KCNK12: variants seen among roughly 807,000 people sequenced by gnomAD.
KCNK12 encodes the protein potassium two pore domain channel subfamily K member 12, also known as potassium channel subfamily K member 12.
In KCNK12, 6 loss-of-function variants were observed where a neutral mutation model predicts 25.3. The ratio of observed to expected loss-of-function variants is 0.24; its 90% CI spans 0.13 to 0.47. KCNK12 has a LOEUF of 0.47. Ranked by LOEUF, KCNK12 falls within the 20% of genes least tolerant of loss-of-function variation. The probability of loss-of-function intolerance (pLI) is 0.99; values close to 1 mark genes in which losing one functional copy is unlikely to be tolerated. For missense variants in KCNK12, 444 were observed against 661.7 expected (o/e 0.67, Z 3.61); for synonymous variants, 331 against 311.1 (o/e 1.06, Z -0.67).
At chr2:47,521,881 T>TGGGGGGGGGGGGGGG in intron 1 of KCNK12, 73 bp from the exon 2 acceptor site, 1 of 212,168 alleles carries the variant, frequency 4.7e-6, no homozygotes, top group Non-Finnish European at 7.7e-6. Flanking sequence ...GTGGGGGGTG[T>TGGGGGGGGGGGGGGG]GGGGGCGGGG....
chr2:47,516,397 A>G lies in KCNK12; in HGVS notation c.*4510T>C, dbSNP rs1668525808. 6.6e-6 allele frequency among the ~76,000 whole-genome samples: 1 copy of G among 152,126 alleles called. No homozygotes were observed. The highest frequency in any genetic ancestry group is 2.4e-5 in the African/African-American group (1 of 41,438). On this transcript the variant is annotated 3_prime_UTR_variant, in exon 2 of 2. Coordinates refer to ENST00000327876, the MANE Select transcript of KCNK12 (RefSeq NM_022055.2). ...TTGGCTCAGCCTGGCCAAGCTGCCC[A>G]GGAGGTCCCTTGGTGCCCTGGGCTC...
In KCNK12 at chr2:47,516,362, T is replaced by TC. The variant is rs1290323802; in HGVS notation, c.*4544dup. ...CAGCCAGGTTGGATCCATCTCCCAG[T>TC]CCCCCAGCCTTGGCTCAGCCTGGCC... On this transcript the variant is annotated 3_prime_UTR_variant, in exon 2 of 2. Coordinates refer to ENST00000327876, the MANE Select transcript of KCNK12 (RefSeq NM_022055.2). 6.6e-6 allele frequency among the ~76,000 whole-genome samples: 1 copy of TC among 152,074 alleles called. No homozygotes were observed. Among genetic ancestry groups the TC allele is most frequent in the Non-Finnish European group, 1.5e-5 (1 of 67,982 alleles).
chr2:47,561,468 G>A (rs1198059159), intron 1 of KCNK12, among the ~76,000 whole-genome samples: 1 of 152,230 alleles, frequency 6.6e-6, no homozygotes, highest in Non-Finnish European at 1.5e-5. Context: ...TGACCAACCA[G>A]AGTGCAGCAG....
chr2:47,512,474 A>G lies in KCNK12; in HGVS notation c.*8433T>C. On this transcript the variant is annotated 3_prime_UTR_variant, in exon 2 of 2. Coordinates refer to ENST00000327876, the MANE Select transcript of KCNK12 (RefSeq NM_022055.2). ...CCTTCTGGTTAAGTTTTTCATTTGT[A>G]ATTCTACAAACATCCCTTCTGTAAA... 3 of 1,545,128 alleles carry G rather than the reference A, an allele frequency of 1.9e-6. No homozygotes were observed. Among genetic ancestry groups the G allele is most frequent in the Non-Finnish European group, 2.6e-6 (3 of 1,145,092 alleles).
In KCNK12 at chr2:47,521,627, G is replaced by T. The variant is rs759635368; in HGVS notation, c.573C>A (p.Pro191=). ...GCGCGGAGCCGCGGCGGAAGGTGGC[G>T]GGCAGCAGGCCGCTGCGGCGCAGCT... ...ERQLRRSGLL[P]ATFRRGSALS... Residue 191 remains proline, a synonymous_variant, in exon 2 of 2, where the codon CCC becomes CCA. Transcript: ENST00000327876. 6.3e-7 allele frequency: 1 copy of T among 1,582,158 alleles called. No homozygotes were observed. Among genetic ancestry groups the T allele is most frequent in the South Asian group, 1.1e-5 (1 of 86,968 alleles).
chr2:47,538,048 C>G lies in KCNK12; in HGVS notation c.392-16240G>C, dbSNP rs1199735677. 6.6e-6 allele frequency among the ~76,000 whole-genome samples: 1 copy of G among 152,168 alleles called. No homozygotes were observed. Among genetic ancestry groups the G allele is most frequent in the East Asian group, 1.9e-4 (1 of 5,198 alleles). On this transcript the variant is annotated intron_variant, in intron 1 of 1. Transcript: ENST00000327876. This position sits in a 1 kb window ranked among gnomAD's most constrained non-coding sequence, Gnocchi z 4.5. ...TATGAGAATGAAGGCCCCTGAGGAACTTCAGTATCTAAAGGGCAGAAGAGG... is the reference window on the plus strand; with the variant it reads ...TATGAGAATGAAGGCCCCTGAGGAAGTTCAGTATCTAAAGGGCAGAAGAGG...
Position 47,521,169 on chromosome 2 carries a change from C to T in KCNK12, c.1031G>A (p.Arg344His), listed in dbSNP as rs1284001060. ...AITPGSRLRR[R>H]LAALGADPAA... Reference sequence around the variant, plus strand: ...GGGGTCGGCACCGAGCGCGGCCAGGCGGCGGCGCAGCCGGGAGCCTGGGGT... The same window carrying T: ...GGGGTCGGCACCGAGCGCGGCCAGGTGGCGGCGCAGCCGGGAGCCTGGGGT... The change falls in exon 2 of 2, where the codon CGC becomes CAC. Residue 344 changes from arginine to histidine, a missense_variant. Arg to His is a conservative substitution (Grantham distance 29). Coordinates refer to ENST00000327876, the MANE Select transcript of KCNK12 (RefSeq NM_022055.2). 1.0e-5 allele frequency: 13 copies of T among 1,297,512 alleles called. No individual in the cohort carries two copies. In the African/African-American group the frequency reaches 1.7e-4, roughly 17 times the overall value. 80.4% of individuals were successfully genotyped at this position (1,297,512 alleles called of 1,614,324 possible).
chr2:47,570,424 G>C lies in KCNK12; in HGVS notation c.-93C>G. ...AGCAGGAGCGTGAGGATGGTGGCCA[G>C]GGGTCCGGGGCCGCCGCGGAGCCCC... On this transcript the variant is annotated 5_prime_UTR_variant, in exon 1 of 2. Coordinates refer to ENST00000327876, the MANE Select transcript of KCNK12 (RefSeq NM_022055.2). 8.5e-7 allele frequency: 1 copy of C among 1,183,222 alleles called. No homozygotes were observed. Among genetic ancestry groups the C allele is most frequent in the Non-Finnish European group, 1.0e-6 (1 of 953,832 alleles). 73.3% of individuals were successfully genotyped at this position (1,183,222 alleles called of 1,614,324 possible).
chr2:47,535,455 G>T (rs1214684893), intron 1 of KCNK12, among the ~76,000 whole-genome samples: 2 of 152,040 alleles, frequency 1.3e-5, no homozygotes, highest in African/African-American at 2.4e-5. Flanking sequence ...TCCTCTAATG[G>T]GGGCGCACCC....
At position 47,547,318 on chromosome 2, in the gene KCNK12, T is replaced by C. The variant is rs1371402815; in HGVS notation, c.391+22623A>G. Among the ~76,000 whole-genome samples the C allele has an allele frequency of 6.6e-6, 1 of 152,194 alleles. No individual in the cohort carries two copies. Among genetic ancestry groups the C allele is most frequent in the East Asian group, 1.9e-4 (1 of 5,196 alleles). ...AGGAGTTTTACAAAATGCTAATTCATAAGCCCCCACTTCCAGAGAGAATGA... is the reference window on the plus strand; with the variant it reads ...AGGAGTTTTACAAAATGCTAATTCACAAGCCCCCACTTCCAGAGAGAATGA... On this transcript the variant is annotated intron_variant, in intron 1 of 1. Transcript: ENST00000327876. The surrounding 1 kb of genome is among the most constrained non-coding windows in gnomAD (Gnocchi z 5.0).
At position 47,568,052 on chromosome 2, in the gene KCNK12, T is replaced by C. The variant is rs1001149051; in HGVS notation, c.391+1889A>G. On this transcript the variant is annotated intron_variant, in intron 1 of 1. Transcript: ENST00000327876. ...CACAGGCCATTGGAATGGGGCCTTA[T>C]TTGGATGGACTCATGGCCCAAAAAG... Among the ~76,000 whole-genome samples, 4 of 152,140 alleles carry C rather than the reference T, an allele frequency of 2.6e-5. No individual in the cohort carries two copies. The South Asian group carries it at 8.3e-4, about 31-fold the overall frequency.
Position 47,548,042 on chromosome 2 carries a change from C to T in KCNK12, c.391+21899G>A, listed in dbSNP as rs1219707910. ...GTTGTTTAAAAGTGTGTAGCACCTT[C>T]CCCTTTGCTCTCTTCCTCCTGCTCC... is the stretch of plus-strand genomic sequence containing the variant. On this transcript the variant is annotated intron_variant, in intron 1 of 1. Coordinates refer to ENST00000327876, the MANE Select transcript of KCNK12 (RefSeq NM_022055.2). The surrounding 1 kb of genome is among the most constrained non-coding windows in gnomAD (Gnocchi z 4.4). 1.3e-5 allele frequency among the ~76,000 whole-genome samples: 2 copies of T among 152,120 alleles called. No individual in the cohort carries two copies. Among genetic ancestry groups the T allele is most frequent in the East Asian group, 1.9e-4 (1 of 5,182 alleles).
chr2:47,521,881 T>TGGGGGCGGGGGGGGGGGGGGG, intron 1 of KCNK12, 73 bp from the exon 2 acceptor site: 1 of 212,176 alleles, frequency 4.7e-6, no homozygotes, highest in Non-Finnish European at 7.7e-6. Context: ...GTGGGGGGTG[T>TGGGGGCGGGGGGGGGGGGGGG]GGGGGCGGGG....
intron 1 of KCNK12, among the ~76,000 whole-genome samples, chr2:47,561,233 C>T (rs1882446): frequency 0.44 from 66,139 of 152,022 alleles, 15,490 homozygotes; most frequent in African/African-American, 0.63. Context: ...GGCTCTGCTC[C>T]GGGTGTGGGG....
chr2:47,570,270 G>A lies in KCNK12; in HGVS notation c.62C>T (p.Ser21Phe). 1 of 1,416,708 alleles carries A rather than the reference G, an allele frequency of 7.1e-7. No homozygotes were observed. Among genetic ancestry groups the A allele is most frequent in the Admixed American group, 2.8e-5 (1 of 35,508 alleles). The allele number at this position is 1,416,708 out of a possible 1,614,324, so 87.8% of individuals were successfully genotyped here. Residue 21 changes from serine to phenylalanine, a missense_variant, in exon 1 of 2, where the codon TCC (serine) becomes TTC (phenylalanine). Around this residue, in one of 8 missense-constraint regions of KCNK12, gnomAD observed 67 missense variants for 59.2 expected, o/e 1.13. Transcript: ENST00000327876. Reference sequence around the variant, plus strand: ...ACGGCGGCAGCAGCAGCAGCAGCAGGAGGGGCGCGGCAGGCGGCGGCGGCT... The same window carrying A: ...ACGGCGGCAGCAGCAGCAGCAGCAGAAGGGGCGCGGCAGGCGGCGGCGGCT... ...RRSRRRLPRP[S>F]CCCCCCRRSH...
rs927892409 is a variant in KCNK12, at chr2:47,512,448, G to A, written c.*8459C>T. 1.3e-6 allele frequency: 2 copies of A among 1,581,994 alleles called. No homozygotes were observed. Among genetic ancestry groups the A allele is most frequent in the Non-Finnish European group, 8.6e-7 (1 of 1,165,520 alleles). ...GAGCTCTCATGACCTGGTGTCTGTT[G>A]CCTTCTGGTTAAGTTTTTCATTTGT... is the stretch of plus-strand genomic sequence containing the variant. On this transcript the variant is annotated 3_prime_UTR_variant, in exon 2 of 2. Transcript: ENST00000327876.
intron 1 of KCNK12, among the ~76,000 whole-genome samples, chr2:47,546,593 G>A (rs1344170290): frequency 2.0e-5 from 3 of 152,148 alleles, no homozygotes; most frequent in African/African-American, 7.2e-5. Context: ...GGAGGTTGAG[G>A]CTGCAGTAAG....
At position 47,515,936 on chromosome 2, in the gene KCNK12, G is replaced by T. The variant is rs1415245376; in HGVS notation, c.*4971C>A. On this transcript the variant is annotated 3_prime_UTR_variant, in exon 2 of 2. Transcript: ENST00000327876. ...GCCTGGTCCCATATCCTCATGAAAT[G>T]CCTCTTATAATTGTGACATCTTGCA... 1.3e-5 allele frequency among the ~76,000 whole-genome samples: 2 copies of T among 152,166 alleles called. No homozygotes were observed. Among genetic ancestry groups the T allele is most frequent in the Non-Finnish European group, 2.9e-5 (2 of 68,042 alleles).
Position 47,565,853 on chromosome 2 carries a change from A to G in KCNK12, c.391+4088T>C, listed in dbSNP as rs1424129839. The stretch of plus-strand genomic sequence containing the variant: ...ATCTTTATCTTTAGGAGTTCATACA[A>G]TCACAGGAAGTGCAGACAACATGCC... On this transcript the variant is annotated intron_variant, in intron 1 of 1. Transcript: ENST00000327876. The surrounding 1 kb of genome is among the most constrained non-coding windows in gnomAD (Gnocchi z 5.0). 6.6e-6 allele frequency: 1 copy of G among 152,268 alleles called. No individual in the cohort carries two copies. The highest frequency in any genetic ancestry group is 6.5e-5 in the Admixed American group (1 of 15,294). The allele number at this position is 152,268 out of a possible 1,614,324, so 9.4% of individuals were successfully genotyped here.
Sources: allele counts gnomAD v4.1 joint callset (sites outside exome capture counted in the v4.1 genomes callset), GRCh38; gene constraint gnomAD v4.1.1; regional missense constraint gnomAD v4.1.1; non-coding constraint Gnocchi (gnomAD v3.1); transcripts MANE v1.5; gene names NCBI Gene and HGNC (gene_info 2026-07-23, HGNC 2026-07-21).